The following AHNAK variants were observed in gnomAD, a reference collection of about 807,000 sequenced individuals.
The protein encoded by AHNAK is AHNAK nucleoprotein.
AHNAK carries 23 observed loss-of-function variants against 37.8 expected under a neutral mutation model. That is an observed-to-expected ratio of 0.61 (90% CI 0.44 to 0.86). The LOEUF is 0.86. Among genes scored for constraint, AHNAK ranks in the 40% least tolerant of loss-of-function variants. AHNAK has a pLI of 0.00. For synonymous variants in AHNAK, 2,481 were observed against 2,636.3 expected, an observed-to-expected ratio of 0.94 and a Z score of 1.80; for missense variants, 7,411 against 7,319.4, an observed-to-expected ratio of 1.01 and a Z score of -0.46.
In AHNAK at chr11:62,499,778, A is replaced by G. The variant is rs192033523; in HGVS notation, c.343-7947T>C. Among the ~76,000 whole-genome samples, 249 of 152,324 alleles carry G rather than the reference A, an allele frequency of 1.6e-3. 1 individual carries two copies. Among genetic ancestry groups the G allele is most frequent in the African/African-American group, 5.7e-3 (237 of 41,572 alleles). ...TGGCTGAGAGTGCAGCAGTAGGAGG[A>G]CAGAGGATAGCTGGTAAAGGGAAAG... On this transcript the variant is annotated intron_variant, in intron 4 of 5. Transcript: ENST00000257247.
chr11:62,544,765 TGGGATTTCCCTCAC>T (rs946799228), intron 1 of AHNAK, among the ~76,000 whole-genome samples: 11 of 151,692 alleles, frequency 7.3e-5, no homozygotes, highest in African/African-American at 2.7e-4. Context: ...ACCCTGCCCC[TGGGATTTCCCTCAC>T]GGGGAGGGGA....
chr11:62,467,226 A>AC (rs929857644), intron 5 of AHNAK, among the ~76,000 whole-genome samples: 27 of 151,696 alleles, frequency 1.8e-4, no homozygotes, highest in Non-Finnish European at 3.1e-4. Flanking sequence ...AAAAAAAAAA[A>AC]AACTTAGAAA....
chr11:62,508,868 A>C (rs1939859177), intron 4 of AHNAK, among the ~76,000 whole-genome samples: 1 of 152,252 alleles, frequency 6.6e-6, no homozygotes. Flanking sequence ...CAAAACTCCC[A>C]GCCCGAGATC....
At chr11:62,510,303 C>T (rs1939887079) in intron 4 of AHNAK, among the ~76,000 whole-genome samples, 1 of 152,012 alleles carries the variant, frequency 6.6e-6, no homozygotes, top group South Asian at 2.1e-4. Context: ...CTCAGCCTCC[C>T]AAAGTGCTGG....
chr11:62,454,345 G>A (rs1938607567), intron 5 of AHNAK, among the ~76,000 whole-genome samples: 3 of 151,320 alleles, frequency 2.0e-5, no homozygotes, highest in South Asian at 4.2e-4. Context: ...CCCGGGAGGC[G>A]GAGCTTGCAG....
At chr11:62,443,354 C>T (rs1362487427) in intron 5 of AHNAK, among the ~76,000 whole-genome samples, 1 of 149,768 alleles carries the variant, frequency 6.7e-6, no homozygotes, top group Non-Finnish European at 1.5e-5. Flanking sequence ...CTCACCGCAA[C>T]CTCCGCCTCC....
At chr11:62,535,853 C>A in intron 3 of AHNAK, 92 bp downstream of exon 3, 1 of 1,490,676 alleles carries the variant, frequency 6.7e-7, no homozygotes, top group Non-Finnish European at 9.0e-7. Context: ...GACAGCCACT[C>A]ACCCACTTCT....
chr11:62,534,685 T>C (rs548303457), intron 4 of AHNAK, among the ~76,000 whole-genome samples: 1 of 152,148 alleles, frequency 6.6e-6, no homozygotes, highest in Non-Finnish European at 1.5e-5. Flanking sequence ...GCTGGGCACC[T>C]GTGAAGTCAT....
intron 5 of AHNAK, among the ~76,000 whole-genome samples, chr11:62,478,965 T>C (rs1939205656): frequency 6.6e-6 from 1 of 151,924 alleles, no homozygotes; most frequent in East Asian, 1.9e-4. Context: ...AACCTCCGCC[T>C]CCTGGATTCA....
At chr11:62,462,745 C>T (rs905129673) in intron 5 of AHNAK, among the ~76,000 whole-genome samples, 4 of 152,142 alleles carry the variant, frequency 2.6e-5, no homozygotes, top group Admixed American at 6.6e-5. Context: ...CAAAGGGTTT[C>T]GACAATGTGA....
rs1395678262 is a variant in AHNAK at position 62,520,895 on chromosome 11, T to G, written c.13522A>C (p.Lys4508Gln). The stretch of plus-strand genomic sequence containing the variant: ...CTTTTGAAATGTACATCAGGCATCT[T>G]AAACTTGGGACCTTTGAGCTTCCCT... ...PEGKLKGPKF[K>Q]MPDVHFKSPQ... is the part of the protein sequence containing the mutation. Residue 4508 changes from lysine to glutamine, a missense_variant, in exon 5 of 5, where the codon AAG (lysine) becomes CAG (glutamine). Coordinates refer to ENST00000378024, the MANE Select transcript of AHNAK (RefSeq NM_001620.3). The G allele has an allele frequency of 6.2e-7, 1 of 1,614,226 alleles. No homozygotes were observed. The highest frequency in any genetic ancestry group is 1.7e-5 in the Admixed American group (1 of 60,028).
At chr11:62,509,059 A>G (rs1939862943) in intron 4 of AHNAK, among the ~76,000 whole-genome samples, 1 of 152,170 alleles carries the variant, frequency 6.6e-6, no homozygotes, top group African/African-American at 2.4e-5. Flanking sequence ...AAATTAACAT[A>G]CCCATCATGT....
Position 62,524,546 on chromosome 11 carries a change from G to A in AHNAK, c.9871C>T (p.Pro3291Ser), listed in dbSNP as rs765875422. Residue 3291 changes from proline to serine, a missense_variant, in exon 5 of 5, where the codon CCC becomes TCC. By Grantham distance (74) the Pro-to-Ser change is moderately conservative. Transcript: ENST00000378024. ...TCAATTTCTGGCATGGAGATCTTGGGCATGTTTACATGCATGTCAGGCATC... is the reference window on the plus strand; with the variant it reads ...TCAATTTCTGGCATGGAGATCTTGGACATGTTTACATGCATGTCAGGCATC... The part of the protein sequence containing the change: ...LKMPDMHVNM[P>S]KISMPEIDLN... The A allele has an allele frequency of 6.8e-6, 11 of 1,614,016 alleles. No homozygotes were observed. Among genetic ancestry groups the A allele is most frequent in the Admixed American group, 1.7e-5 (1 of 59,994 alleles).
At chr11:62,448,730 C>A (rs756398728) in intron 5 of AHNAK, among the ~76,000 whole-genome samples, 1 of 152,122 alleles carries the variant, frequency 6.6e-6, no homozygotes, top group Non-Finnish European at 1.5e-5. Context: ...GTGTTCAAGG[C>A]TGGAGCCCAA....
rs1940035879 is a variant in AHNAK at position 62,516,872 on chromosome 11, G to C, written c.17545C>G (p.Gln5849Glu). The change falls in exon 5 of 5, where the codon CAG (glutamine) becomes GAG (glutamate). Residue 5849 changes from glutamine to glutamate, a missense_variant. Coordinates refer to ENST00000378024, the MANE Select transcript of AHNAK (RefSeq NM_001620.3). ...GAGGCCAGGGACACCCCACTCCCCT[G>C]TAACTTGCCTGTCTCATCATCGCTC... The part of the protein sequence containing the change: ...TGSDDETGKL[Q>E]GSGVSLASKK... 1 of 1,614,130 alleles carries C rather than the reference G, an allele frequency of 6.2e-7. No homozygotes were observed. The highest frequency in any genetic ancestry group is 1.1e-5 in the South Asian group (1 of 91,070).
rs1430442461 is a variant in AHNAK at position 62,518,123 on chromosome 11, C to A, written c.16294G>T (p.Glu5432Ter). The change falls in exon 5 of 5, where the codon GAA becomes TAA. Residue 5432 changes from glutamate to a stop codon, truncating the protein, a stop_gained. Transcript: ENST00000378024. LOFTEE classifies it high-confidence loss of function. ...ACATCCACACCTGGCCCCTTCAGTT[C>A]GCCAGAAACCTGTGGCCCCTTGGCA... Reference protein sequence around the residue: ...VNAKGPQVSGELKGPGVDVNL... With the variant: ...VNAKGPQVSG 1 of 1,614,150 alleles carries A rather than the reference C, an allele frequency of 6.2e-7. No homozygotes were observed. The highest frequency in any genetic ancestry group is 8.5e-7 in the Non-Finnish European group (1 of 1,180,018).
Position 62,531,927 on chromosome 11 carries a change from A to C in AHNAK, c.2490T>G (p.Pro830=). 1 of 1,613,318 alleles carries C rather than the reference A, an allele frequency of 6.2e-7. No homozygotes were observed. Among genetic ancestry groups the C allele is most frequent in the South Asian group, 1.1e-5 (1 of 91,052 alleles). ...TGACATCATATTCTCCCTTTACGTT[A>C]GGGCCTTTCAGATGTAAGTCCACAT... ...MPDVDLHLKG[P]NVKGEYDVTM... The change falls in exon 5 of 5, where the codon CCT becomes CCG. Residue 830 remains proline, a synonymous_variant. Coordinates refer to ENST00000378024, the MANE Select transcript of AHNAK (RefSeq NM_001620.3).
chr11:62,456,340 G>T (rs188995878), intron 5 of AHNAK, among the ~76,000 whole-genome samples: 2 of 152,286 alleles, frequency 1.3e-5, no homozygotes, highest in South Asian at 2.1e-4. Flanking sequence ...GATAATAAAG[G>T]TTAACCTTAG....
At chr11:62,438,013 C>T (rs1938214877) in intron 5 of AHNAK, among the ~76,000 whole-genome samples, 2 of 151,992 alleles carry the variant, frequency 1.3e-5, no homozygotes, top group South Asian at 4.1e-4. Flanking sequence ...CCTCCCACCT[C>T]AGTCTCCCAA....
Sources: gnomAD v4.1 joint callset for allele counts (sites outside exome capture counted in the v4.1 genomes callset) on GRCh38, gnomAD v4.1.1 for gene constraint, MANE v1.5 for transcripts, NCBI Gene and HGNC (gene_info 2026-07-23, HGNC 2026-07-21) for gene names.